Variants in DTNA observed in about 807,000 individuals in gnomAD.
The protein encoded by DTNA is dystrophin-related protein 3.
In DTNA, 43 loss-of-function variants were observed where a neutral mutation model predicts 100.7. The ratio of observed to expected loss-of-function variants is 0.43; its 90% CI spans 0.33 to 0.55. DTNA has a LOEUF of 0.55. DTNA is among the 20% of genes least tolerant of loss of function. The pLI is 0.04. For missense variants in DTNA, 798 were observed against 953.9 expected, an observed-to-expected ratio of 0.84 and a Z score of 2.15; for synonymous variants, 349 against 347.9, an observed-to-expected ratio of 1.00 and a Z score of -0.04.
intron 1 of DTNA, among the ~76,000 whole-genome samples, chr18:34,512,601 G>T (rs993978854): frequency 6.6e-6 from 1 of 152,060 alleles, no homozygotes; most frequent in African/African-American, 2.4e-5. Context: ...TATTGCAGTT[G>T]ATACTATGGG....
chr18:34,835,831 T>A (rs1487908698), intron 11 of DTNA, among the ~76,000 whole-genome samples: 1 of 152,264 alleles, frequency 6.6e-6, no homozygotes, highest in Non-Finnish European at 1.5e-5. Flanking sequence ...GCTTGTTATC[T>A]TGCATGTTCA....
intron 1 of DTNA, among the ~76,000 whole-genome samples, chr18:34,614,139 T>A (rs972488157): frequency 2.0e-5 from 3 of 152,240 alleles, no homozygotes; most frequent in African/African-American, 7.2e-5. Context: ...ATAACAAAGC[T>A]TGGATGATAA....
intron 4 of DTNA, among the ~76,000 whole-genome samples, chr18:34,795,224 AG>A (rs2094919855): frequency 6.6e-6 from 1 of 152,174 alleles, no homozygotes; most frequent in African/African-American, 2.4e-5. Context: ...TTACCCCCGC[AG>A]TGGAGATGTT....
intron 1 of DTNA, among the ~76,000 whole-genome samples, chr18:34,509,886 A>G (rs2439859): frequency 0.61 from 93,073 of 151,862 alleles, 29,703 homozygotes; most frequent in East Asian, 0.91. Context: ...TCCCATGGTT[A>G]TACAATTTGA....
chr18:34,580,347 C>T (rs978622052), intron 1 of DTNA, among the ~76,000 whole-genome samples: 5 of 152,090 alleles, frequency 3.3e-5, no homozygotes, highest in Non-Finnish European at 7.4e-5. Context: ...TTCATAGTCA[C>T]ATTTTTCAGC....
intron 1 of DTNA, among the ~76,000 whole-genome samples, chr18:34,512,562 C>T (rs2041197400): frequency 6.6e-6 from 1 of 151,998 alleles, no homozygotes; most frequent in Admixed American, 6.6e-5. Flanking sequence ...GTGAATCCAG[C>T]AGATGGATGG....
intron 1 of DTNA, among the ~76,000 whole-genome samples, chr18:34,637,817 C>A (rs2058822325): frequency 6.6e-6 from 1 of 152,232 alleles, no homozygotes; most frequent in Admixed American, 6.5e-5. Context: ...CAGGGAGTTT[C>A]TTAAGATTCA....
chr18:34,524,285 A>G (rs2042407257), intron 1 of DTNA, among the ~76,000 whole-genome samples: 1 of 152,204 alleles, frequency 6.6e-6, no homozygotes, highest in African/African-American at 2.4e-5. Context: ...AAAATATAAA[A>G]GTATTTTGTA....
At chr18:34,677,055 G>T (rs529583294) in intron 1 of DTNA, among the ~76,000 whole-genome samples, 1 of 152,134 alleles carries the variant, frequency 6.6e-6, no homozygotes, top group Non-Finnish European at 1.5e-5. Flanking sequence ...TTGCCATGCA[G>T]GATAGAAGCC....
At chr18:34,607,862 C>G (rs2053453476) in intron 1 of DTNA, among the ~76,000 whole-genome samples, 1 of 152,130 alleles carries the variant, frequency 6.6e-6, no homozygotes, top group Admixed American at 6.5e-5. Flanking sequence ...CATACAACAA[C>G]TAAGAAAAAG....
chr18:34,858,891 G>A (rs1182737014), intron 16 of DTNA, among the ~76,000 whole-genome samples: 7 of 151,986 alleles, frequency 4.6e-5, no homozygotes, highest in East Asian at 3.9e-4. Context: ...GATTACAGGC[G>A]TGCGCCACCA....
chr18:34,496,016 ACATT>A (rs1275028440), intron 1 of DTNA, among the ~76,000 whole-genome samples: 1 of 152,154 alleles, frequency 6.6e-6, no homozygotes, highest in Non-Finnish European at 1.5e-5. Flanking sequence ...AATTATTTTG[ACATT>A]CATAGATTTC....
chr18:34,536,063 G>A (rs1335160978), intron 1 of DTNA, among the ~76,000 whole-genome samples: 2 of 151,766 alleles, frequency 1.3e-5, no homozygotes, highest in Non-Finnish European at 2.9e-5. Context: ...CATAAAATAA[G>A]GTGTAAAATA....
chr18:34,636,303 C>G (rs955462492), intron 1 of DTNA, among the ~76,000 whole-genome samples: 9 of 152,086 alleles, frequency 5.9e-5, no homozygotes, highest in African/African-American at 2.2e-4. Flanking sequence ...TTAGTAGAGA[C>G]AGGGTTTCAC....
intron 1 of DTNA, among the ~76,000 whole-genome samples, chr18:34,659,885 C>A (rs56219136): frequency 0.11 from 17,475 of 152,216 alleles, 1,087 homozygotes; most frequent in Non-Finnish European, 0.14. Flanking sequence ...TGGCTGCCTA[C>A]GGCTGCTGAA....
At chr18:34,516,671 C>T (rs532645951) in intron 1 of DTNA, among the ~76,000 whole-genome samples, 5 of 152,266 alleles carry the variant, frequency 3.3e-5, no homozygotes, top group Admixed American at 6.5e-5. Flanking sequence ...GATATTTCTC[C>T]TATTCGCTTT....
chr18:34,856,952 A>G (rs2096559654), intron 15 of DTNA, among the ~76,000 whole-genome samples: 1 of 152,178 alleles, frequency 6.6e-6, no homozygotes, highest in Admixed American at 6.5e-5. Context: ...TTAGCCCTGG[A>G]GGAAATCTTG....
At chr18:34,511,233 A>G (rs1016416155) in intron 1 of DTNA, among the ~76,000 whole-genome samples, 3 of 152,110 alleles carry the variant, frequency 2.0e-5, no homozygotes, top group Admixed American at 6.6e-5. Context: ...CTGGAGTCAG[A>G]CTAAAGAAAG....
At position 34,838,836 on chromosome 18, in the gene DTNA, T is replaced by A. The variant is rs377526715; in HGVS notation, c.1345T>A (p.Cys449Ser). Residue 449 changes from cysteine to serine, a missense_variant and splice_region_variant, in exon 13 of 23, where the codon TGC becomes AGC. By Grantham distance (112) the Cys-to-Ser change is moderately radical. This residue lies in a region of DTNA where 159 missense variants were observed against 201.2 expected (regional missense o/e 0.79). Transcript: ENST00000444659. ...YVNMLRNNPS[C>S]MLESSNRLDE... ...CAACATGCTCCGGAACAACCCCTCATGGTTAGTGCAGGTTTGGCTGCTTGA... is the reference window on the plus strand; with the variant it reads ...CAACATGCTCCGGAACAACCCCTCAAGGTTAGTGCAGGTTTGGCTGCTTGA... The A allele has an allele frequency of 6.2e-7, 1 of 1,613,212 alleles. No individual in the cohort carries two copies. The highest frequency in any genetic ancestry group is 8.5e-7 in the Non-Finnish European group (1 of 1,179,440).
Sources: gnomAD v4.1 joint callset for allele counts (sites outside exome capture counted in the v4.1 genomes callset) on GRCh38, gnomAD v4.1.1 for gene constraint, gnomAD v4.1.1 regional missense constraint, MANE v1.5 for transcripts, NCBI Gene and HGNC (gene_info 2026-07-23, HGNC 2026-07-21) for gene names.